ATP6V1H: variants seen among roughly 807,000 people sequenced by gnomAD.
The protein encoded by ATP6V1H is V-type proton ATPase subunit H.
Under a neutral mutation model 71.7 loss-of-function variants are expected in ATP6V1H, and 39 were observed. That is an observed-to-expected ratio of 0.54 (90% CI 0.42 to 0.71). The LOEUF is 0.71. Ranked by LOEUF, ATP6V1H falls within the 30% of genes least tolerant of loss-of-function variation. The probability of loss-of-function intolerance (pLI) is 0.00; values close to 1 mark genes in which losing one functional copy is unlikely to be tolerated. For synonymous variants in ATP6V1H, 192 were observed against 199.3 expected (o/e 0.96, Z 0.31); for missense variants, 509 against 594.9 (o/e 0.86, Z 1.50).
At chr8:53,780,528 T>C (rs1563463184) in intron 9 of ATP6V1H, among the ~76,000 whole-genome samples, 1 of 152,114 alleles carries the variant, frequency 6.6e-6, no homozygotes, top group African/African-American at 2.4e-5. Flanking sequence ...GTTATATTTT[T>C]TTTTCTTTTT....
chr8:53,815,258 A>C (rs536658669), intron 5 of ATP6V1H, among the ~76,000 whole-genome samples: 1 of 152,294 alleles, frequency 6.6e-6, no homozygotes, highest in African/African-American at 2.4e-5. Context: ...AACATAAACA[A>C]ATATCCTTTC....
intron 2 of ATP6V1H, among the ~76,000 whole-genome samples, chr8:53,841,308 C>A (rs578243355): frequency 2.6e-5 from 4 of 152,288 alleles, no homozygotes; most frequent in African/African-American, 9.6e-5. Flanking sequence ...GACATTCCTC[C>A]TATGTTTCCC....
intron 9 of ATP6V1H, among the ~76,000 whole-genome samples, chr8:53,774,266 A>G (rs1808783834): frequency 6.6e-6 from 1 of 152,258 alleles, no homozygotes. Context: ...TTCTGAGTTT[A>G]TAATTCACAG....
intron 1 of ATP6V1H, chr8:53,842,645 G>T (rs1371007088): frequency 1.3e-5 from 2 of 152,284 alleles, no homozygotes; most frequent in Non-Finnish European, 1.5e-5. Flanking sequence ...GGCCAGGCTG[G>T]AACTCTGCAG....
At chr8:53,816,515 A>T (rs2130478646) in intron 5 of ATP6V1H, among the ~76,000 whole-genome samples, 1 of 152,320 alleles carries the variant, frequency 6.6e-6, no homozygotes, top group South Asian at 2.1e-4. Flanking sequence ...ACAGGAGTGT[A>T]GGCCGGGTGC....
intron 4 of ATP6V1H, among the ~76,000 whole-genome samples, chr8:53,819,071 T>C (rs1810546420): frequency 6.6e-6 from 1 of 150,990 alleles, no homozygotes; most frequent in African/African-American, 2.4e-5. Context: ...CCAGGTGTGG[T>C]GGCACACGCC....
intron 11 of ATP6V1H, among the ~76,000 whole-genome samples, chr8:53,766,129 C>T (rs1038261911): frequency 3.3e-5 from 5 of 152,184 alleles, no homozygotes; most frequent in Non-Finnish European, 5.9e-5. Flanking sequence ...AATCCTGTTG[C>T]GGGAAGTCAG....
At chr8:53,740,624 G>GAA (rs1171253693) in intron 13 of ATP6V1H, among the ~76,000 whole-genome samples, 1 of 152,138 alleles carries the variant, frequency 6.6e-6, no homozygotes, top group African/African-American at 2.4e-5. Flanking sequence ...ACAATTTAGA[G>GAA]AAATTTACAA....
intron 12 of ATP6V1H, 149 bp downstream of exon 12, chr8:53,756,406 T>TTATCATAATTCTCAC: frequency 1.7e-6 from 1 of 599,308 alleles, no homozygotes; most frequent in South Asian, 2.6e-5. Context: ...TTAACTGGGT[T>TTATCATAATTCTCAC]TATCATAATT....
chr8:53,820,978 T>A, intron 4 of ATP6V1H, among the ~76,000 whole-genome samples: 1 of 128,564 alleles, frequency 7.8e-6, no homozygotes, highest in Non-Finnish European at 1.6e-5. Context: ...CAAAACTCTG[T>A]CTCAAAAAAA....
chr8:53,730,880 G>A (rs1441028920), intron 13 of ATP6V1H, among the ~76,000 whole-genome samples: 2 of 152,108 alleles, frequency 1.3e-5, no homozygotes, highest in African/African-American at 4.8e-5. Flanking sequence ...AGGATGAAGG[G>A]CTCTGGCTCT....
chr8:53,717,071 T>C (rs1038753397), intron 13 of ATP6V1H, among the ~76,000 whole-genome samples: 1 of 152,160 alleles, frequency 6.6e-6, no homozygotes, highest in Non-Finnish European at 1.5e-5. Context: ...AATACCATCG[T>C]CTCTTGCCTA....
intron 13 of ATP6V1H, among the ~76,000 whole-genome samples, chr8:53,726,925 A>G (rs1806830839): frequency 6.6e-6 from 1 of 152,174 alleles, no homozygotes; most frequent in African/African-American, 2.4e-5. Context: ...TTGGACCATA[A>G]CAAGTCAAAT....
chr8:53,830,947 A>G (rs1181660655), intron 3 of ATP6V1H, among the ~76,000 whole-genome samples: 1 of 152,186 alleles, frequency 6.6e-6, no homozygotes, highest in African/African-American at 2.4e-5. Flanking sequence ...AACAGCAGAC[A>G]TCACAAAGGA....
At chr8:53,771,524 T>A (rs1808654998) in intron 10 of ATP6V1H, among the ~76,000 whole-genome samples, 1 of 152,134 alleles carries the variant, frequency 6.6e-6, no homozygotes. Context: ...GGGAGTGGCA[T>A]GGAGTCCCTT....
intron 13 of ATP6V1H, among the ~76,000 whole-genome samples, chr8:53,740,413 A>G (rs1226062062): frequency 2.6e-5 from 4 of 152,262 alleles, no homozygotes; most frequent in Non-Finnish European, 5.9e-5. Flanking sequence ...CCAGGGATGC[A>G]GGCAAAGTGC....
At chr8:53,763,365 A>C (rs937680521) in intron 11 of ATP6V1H, among the ~76,000 whole-genome samples, 7 of 152,274 alleles carry the variant, frequency 4.6e-5, no homozygotes, top group African/African-American at 1.7e-4. Context: ...CAAAATATTT[A>C]GAAATAAATT....
intron 13 of ATP6V1H, among the ~76,000 whole-genome samples, chr8:53,736,464 T>G (rs56973376): frequency 0.18 from 27,146 of 152,138 alleles, 4,050 homozygotes; most frequent in African/African-American, 0.39. Context: ...AAGTTCAAGC[T>G]TCTAGCTGTT....
Position 53,718,478 on chromosome 8 carries a change from TC to T in ATP6V1H, c.1392-2455del, listed in dbSNP as rs558820662. Among the ~76,000 whole-genome samples, 338 of 147,694 alleles carry T rather than the reference TC, an allele frequency of 2.3e-3. 2 individuals carry two copies. The highest frequency in any genetic ancestry group is 8.2e-3 in the African/African-American group (328 of 39,780). On this transcript the variant is annotated intron_variant, in intron 13 of 13. Coordinates refer to ENST00000359530, the MANE Select transcript of ATP6V1H (RefSeq NM_015941.4). Reference sequence around the variant, plus strand: ...GTCACAGCTCACTGCAGCCTTGACCTCCCTGGGTTCAAGCCATCCTCCCACC... The same window carrying T: ...GTCACAGCTCACTGCAGCCTTGACCTCCTGGGTTCAAGCCATCCTCCCACC...
Sources: allele counts gnomAD v4.1 joint callset (sites outside exome capture counted in the v4.1 genomes callset), GRCh38; gene constraint gnomAD v4.1.1; transcripts MANE v1.5; gene names NCBI Gene and HGNC (gene_info 2026-07-23, HGNC 2026-07-21).